ANK1: variants seen among roughly 807,000 people sequenced by gnomAD.
ANK1 encodes ankyrin-1.
ANK1 carries 51 observed loss-of-function variants against 210.4 expected under a neutral mutation model. The ratio of observed to expected loss-of-function variants is 0.24; its 90% CI spans 0.19 to 0.31. ANK1 has a LOEUF of 0.31. Among genes scored for constraint, ANK1 ranks in the 10% least tolerant of loss-of-function variants. The pLI, the probability that ANK1 is intolerant of heterozygous loss-of-function variation, is 1.00. For synonymous variants in ANK1, 967 were observed against 1,025.9 expected (o/e 0.94, Z 1.10); for missense variants, 2,051 against 2,504.4 (o/e 0.82, Z 3.86).
intron 1 of ANK1, among the ~76,000 whole-genome samples, chr8:41,802,815 TG>T (rs374312732): frequency 6.7e-6 from 1 of 150,190 alleles, no homozygotes; most frequent in Admixed American, 6.7e-5. Context: ...GAGGCTGAGG[TG>T]GGAGGATCAC....
chr8:41,708,404 C>G (rs1825268889), intron 17 of ANK1, among the ~76,000 whole-genome samples: 1 of 152,152 alleles, frequency 6.6e-6, no homozygotes, highest in Non-Finnish European at 1.5e-5. Flanking sequence ...ATATCTTTCC[C>G]CCACGGAACA....
At chr8:41,830,338 C>A (rs979444413) in intron 1 of ANK1, among the ~76,000 whole-genome samples, 1 of 149,646 alleles carries the variant, frequency 6.7e-6, no homozygotes, top group Non-Finnish European at 1.5e-5. Flanking sequence ...ACCCAGTTTC[C>A]CTCTGGGGTC....
intron 38 of ANK1, among the ~76,000 whole-genome samples, chr8:41,671,880 G>A: frequency 8.1e-6 from 1 of 124,102 alleles, no homozygotes; most frequent in South Asian, 2.7e-4. Context: ...GCGCCCCGAT[G>A]TCCCTGAGTC....
At chr8:41,792,088 T>C (rs961428897) in intron 1 of ANK1, among the ~76,000 whole-genome samples, 3 of 152,210 alleles carry the variant, frequency 2.0e-5, no homozygotes, top group African/African-American at 7.2e-5. Flanking sequence ...CCTCCTGTAA[T>C]GCGCTTTTCT....
intron 2 of ANK1, among the ~76,000 whole-genome samples, chr8:41,750,376 T>C (rs1837409519): frequency 1.3e-5 from 2 of 152,214 alleles, no homozygotes; most frequent in African/African-American, 2.4e-5. Flanking sequence ...GCAGCAAATA[T>C]TGCCAAATAC....
At chr8:41,720,194 C>A (rs1436967803) in intron 9 of ANK1, among the ~76,000 whole-genome samples, 1 of 152,212 alleles carries the variant, frequency 6.6e-6, no homozygotes, top group African/African-American at 2.4e-5. Context: ...CCATAGCTAA[C>A]TTTTTAGGGG....
At chr8:41,664,835 G>A in intron 39 of ANK1, 4 of 1,611,858 alleles carry the variant, frequency 2.5e-6, no homozygotes, top group Non-Finnish European at 3.4e-6. Flanking sequence ...GGACCACCCT[G>A]GTGGAGATGG....
intron 1 of ANK1, among the ~76,000 whole-genome samples, chr8:41,769,977 C>CTTTTTTTTTTTTTTTTT (rs59542968): frequency 1.8e-4 from 16 of 86,642 alleles, no homozygotes; most frequent in Non-Finnish European, 2.3e-4. Context: ...TTTCTTTTTT[C>CTTTTTTTTTTTTTTTTT]TTTTTTTTTT....
rs1418853541 is a variant in ANK1, at chr8:41,668,306, C to A, written c.5355G>T (p.Gln1785His). ...TGAAGGTGTTCTTGGCCTCCTGCACCTGCTCTTCTTGGCCTTGCTGCCTCC... is the reference window on the plus strand; with the variant it reads ...TGAAGGTGTTCTTGGCCTCCTGCACATGCTCTTCTTGGCCTTGCTGCCTCC... ...RDRRQQGQEE[Q>H]VQEAKNTFTQ... The change falls in exon 39 of 43, where the codon CAG becomes CAT. Residue 1785 changes from glutamine (Q) to histidine (H), a missense_variant. This residue lies in a region of ANK1 where 496 missense variants were observed against 533.4 expected (regional missense o/e 0.93). Coordinates refer to ENST00000289734, the MANE Select transcript of ANK1 (RefSeq NM_000037.4). 3.7e-6 allele frequency: 6 copies of A among 1,614,248 alleles called. No individual in the cohort carries two copies. Among genetic ancestry groups the A allele is most frequent in the Admixed American group, 3.3e-5 (2 of 60,022 alleles).
At chr8:41,767,805 C>T (rs1586817236) in intron 1 of ANK1, among the ~76,000 whole-genome samples, 1 of 152,336 alleles carries the variant, frequency 6.6e-6, no homozygotes, top group South Asian at 2.1e-4. Flanking sequence ...CCCTCCCTGC[C>T]TCCCGCCTCC....
intron 39 of ANK1, 80 bp from the exon 40 acceptor site, chr8:41,663,822 C>T: frequency 7.1e-6 from 8 of 1,131,374 alleles, no homozygotes; most frequent in Non-Finnish European, 1.1e-5. Context: ...GGAAATGAAA[C>T]AGCAGTAGCC....
chr8:41,655,817 C>G (rs1037461027), intron 42 of ANK1, 64 bp from the exon 43 acceptor site: 20 of 1,557,562 alleles, frequency 1.3e-5, no homozygotes, highest in Middle Eastern at 3.3e-4. Flanking sequence ...AGCAAAAACC[C>G]CACACACAGA....
chr8:41,845,433 G>A (rs145391135), intron 1 of ANK1, among the ~76,000 whole-genome samples: 1 of 151,568 alleles, frequency 6.6e-6, no homozygotes, highest in Admixed American at 6.6e-5. Flanking sequence ...TGAACCAATC[G>A]ACTGGCGATT....
chr8:41,663,744 T>C lies in ANK1; in HGVS notation c.5395-2A>G, dbSNP rs949308336. The stretch of plus-strand genomic sequence containing the variant: ...TGGAATATTCTGAAACTCATTCCCC[T>C]GGAATTAGAGAAAGGGAGAAAATGC... On this transcript the variant is annotated splice_acceptor_variant, in intron 39 of 42. Coordinates refer to ENST00000289734, the MANE Select transcript of ANK1 (RefSeq NM_000037.4). LOFTEE classifies it high-confidence loss of function. 1.9e-6 allele frequency: 3 copies of C among 1,611,976 alleles called. No individual in the cohort carries two copies. Among genetic ancestry groups the C allele is most frequent in the Admixed American group, 1.7e-5 (1 of 60,024 alleles).
intron 1 of ANK1, among the ~76,000 whole-genome samples, chr8:41,764,212 C>T (rs1285652815): frequency 1.3e-5 from 2 of 151,960 alleles, no homozygotes; most frequent in Non-Finnish European, 2.9e-5. Flanking sequence ...CATTGAGAAC[C>T]TCCTAGGGGC....
intron 1 of ANK1, among the ~76,000 whole-genome samples, chr8:41,847,319 G>A (rs562950795): frequency 4.6e-5 from 7 of 152,328 alleles, no homozygotes; most frequent in African/African-American, 1.4e-4. Flanking sequence ...AAGCGAGGAA[G>A]ACGGTGCAGG....
At chr8:41,859,136 G>C (rs1812766800) in intron 1 of ANK1, among the ~76,000 whole-genome samples, 1 of 152,322 alleles carries the variant, frequency 6.6e-6, no homozygotes, top group Non-Finnish European at 1.5e-5. Context: ...GCCCCCCACG[G>C]GGTCTCTGAG....
intron 41 of ANK1, 93 bp from the exon 42 acceptor site, chr8:41,661,657 A>G (rs755506731): frequency 3.7e-6 from 6 of 1,602,518 alleles, no homozygotes; most frequent in Admixed American, 1.7e-5. Context: ...CGGAGGTGGC[A>G]GACACACTGC....
intron 1 of ANK1, chr8:41,828,483 C>G (rs1398164254): frequency 1.3e-5 from 2 of 154,470 alleles, no homozygotes; most frequent in East Asian, 3.9e-4. Context: ...CCGCCAGCCT[C>G]TGTGTCCTGC....
Sources: allele counts gnomAD v4.1 joint callset (sites outside exome capture counted in the v4.1 genomes callset), GRCh38; gene constraint gnomAD v4.1.1; regional missense constraint gnomAD v4.1.1; transcripts MANE v1.5; gene names NCBI Gene and HGNC (gene_info 2026-07-23, HGNC 2026-07-21).